Variants in KIAA1217 observed in about 807,000 individuals in gnomAD.
The protein encoded by KIAA1217 is sickle tail protein homolog.
In KIAA1217, 88 loss-of-function variants were observed where a neutral mutation model predicts 163.9. That is an observed-to-expected ratio of 0.54 (90% CI 0.45 to 0.64). KIAA1217 has a LOEUF of 0.64. KIAA1217 is among the 30% of genes least tolerant of loss of function. KIAA1217 has a pLI of 0.00. For missense variants in KIAA1217, 2,372 were observed against 2,475.0 expected, an observed-to-expected ratio of 0.96 and a Z score of 0.88; for synonymous variants, 903 against 923.1, an observed-to-expected ratio of 0.98 and a Z score of 0.39.
intron 2 of KIAA1217, among the ~76,000 whole-genome samples, chr10:24,229,821 T>A (rs1243922663): frequency 6.6e-6 from 1 of 152,068 alleles, no homozygotes; most frequent in Non-Finnish European, 1.5e-5. Flanking sequence ...TCAGAGCAGT[T>A]TTTTACCTAA....
intron 2 of KIAA1217, among the ~76,000 whole-genome samples, chr10:24,246,379 G>A (rs2073810776): frequency 6.6e-6 from 1 of 152,170 alleles, no homozygotes; most frequent in Non-Finnish European, 1.5e-5. Context: ...CTGTGCATGT[G>A]GGAACGAATC....
chr10:24,511,808 C>T (rs1592545318), intron 9 of KIAA1217, among the ~76,000 whole-genome samples: 2 of 152,172 alleles, frequency 1.3e-5, no homozygotes, highest in East Asian at 3.9e-4. Flanking sequence ...ATGTGGTTCC[C>T]TCCCAGACAA....
At chr10:24,195,086 G>T (rs537566429) in intron 2 of KIAA1217, among the ~76,000 whole-genome samples, 5 of 152,190 alleles carry the variant, frequency 3.3e-5, no homozygotes, top group Admixed American at 6.5e-5. Flanking sequence ...TTCTTCCAGG[G>T]AAGGCAGATT....
intron 2 of KIAA1217, chr10:24,042,469 C>G (rs558975792): frequency 6.6e-6 from 1 of 152,160 alleles, no homozygotes; most frequent in Non-Finnish European, 1.5e-5. Flanking sequence ...GCAACTCCTG[C>G]ACAGCGGAAA....
chr10:23,794,264 T>C, intron 1 of KIAA1217, among the ~76,000 whole-genome samples: 1 of 152,206 alleles, frequency 6.6e-6, no homozygotes, highest in East Asian at 1.9e-4. Flanking sequence ...ATAAAGTCTT[T>C]ACATGTTTTG....
At chr10:24,011,307 G>C (rs764126569) in intron 2 of KIAA1217, among the ~76,000 whole-genome samples, 1 of 151,936 alleles carries the variant, frequency 6.6e-6, no homozygotes, top group African/African-American at 2.4e-5. Context: ...ACAACATAGC[G>C]AGACCCCATC....
intron 5 of KIAA1217, among the ~76,000 whole-genome samples, chr10:24,471,707 AC>A (rs2063534683): frequency 6.6e-6 from 1 of 151,886 alleles, no homozygotes; most frequent in Non-Finnish European, 1.5e-5. Context: ...ACATGGAGAA[AC>A]CCCGTCTCTA....
chr10:24,090,332 C>CTTTTTTTTTTTTTTTTTT (rs35966270), intron 2 of KIAA1217, among the ~76,000 whole-genome samples: 2 of 58,944 alleles, frequency 3.4e-5, no homozygotes, highest in African/African-American at 2.3e-4. Context: ...ACATCCTGCT[C>CTTTTTTTTTTTTTTTTTT]TTTTTTTTTT....
chr10:23,824,399 G>A (rs1254892541), intron 1 of KIAA1217, among the ~76,000 whole-genome samples: 1 of 151,664 alleles, frequency 6.6e-6, no homozygotes, highest in Admixed American at 6.6e-5. Flanking sequence ...GGAGGTCGAG[G>A]TGGGCAGACG....
At chr10:24,406,555 T>C (rs914025808) in intron 3 of KIAA1217, among the ~76,000 whole-genome samples, 1 of 152,178 alleles carries the variant, frequency 6.6e-6, no homozygotes, top group African/African-American at 2.4e-5. Context: ...TTTTTCTCCT[T>C]TTAGCTAAAG....
intron 2 of KIAA1217, among the ~76,000 whole-genome samples, chr10:24,277,635 C>T (rs375366466): frequency 6.6e-6 from 1 of 152,294 alleles, no homozygotes; most frequent in South Asian, 2.1e-4. Context: ...TTATAAGGGG[C>T]TTTCCCTTTC....
chr10:24,294,012 G>C (rs543875543), intron 2 of KIAA1217, among the ~76,000 whole-genome samples: 48 of 151,886 alleles, frequency 3.2e-4, no homozygotes, highest in Middle Eastern at 3.4e-3. Flanking sequence ...GCTAAGACGG[G>C]GAAACACCGT....
At chr10:23,756,624 T>C (rs1489143140) in intron 1 of KIAA1217, among the ~76,000 whole-genome samples, 3 of 152,234 alleles carry the variant, frequency 2.0e-5, no homozygotes, top group Non-Finnish European at 2.9e-5. Flanking sequence ...GATAGTTTTA[T>C]TAAATCTTAG....
chr10:23,813,048 G>GT (rs143503649), intron 1 of KIAA1217, among the ~76,000 whole-genome samples: 1,525 of 152,232 alleles, frequency 0.01, 19 homozygotes, highest in African/African-American at 0.035. Context: ...CATGTTACAT[G>GT]TTCACCAGCA....
At chr10:24,433,677 T>C (rs1032630273) in intron 4 of KIAA1217, among the ~76,000 whole-genome samples, 4 of 152,166 alleles carry the variant, frequency 2.6e-5, no homozygotes, top group Non-Finnish European at 5.9e-5. Flanking sequence ...TTCATTCATA[T>C]TGGAACTTTC....
chr10:23,962,109 G>T lies in KIAA1217; in HGVS notation c.-320-45116G>T, dbSNP rs916528668. Among the ~76,000 whole-genome samples, 4 of 152,298 alleles carry T rather than the reference G, an allele frequency of 2.6e-5. No individual in the cohort carries two copies. In the South Asian group the frequency reaches 8.3e-4, roughly 32 times the overall value. On this transcript the variant is annotated intron_variant, in intron 1 of 18. Coordinates refer to the KIAA1217 transcript ENST00000376462. ...CAATTTAACCCATTACAAATGTGTT[G>T]CCCTGGCCGTCTGGCCGTGCAGGCT... is the stretch of plus-strand genomic sequence containing the variant.
intron 2 of KIAA1217, among the ~76,000 whole-genome samples, chr10:24,334,694 A>C (rs747290586): frequency 6.6e-6 from 1 of 152,146 alleles, no homozygotes; most frequent in Non-Finnish European, 1.5e-5. Context: ...TACCCTGCTC[A>C]CTCACCATTG....
chr10:24,405,875 T>A (rs1022341813), intron 3 of KIAA1217, among the ~76,000 whole-genome samples: 1 of 152,208 alleles, frequency 6.6e-6, no homozygotes, highest in Non-Finnish European at 1.5e-5. Context: ...TTGAGCATAA[T>A]GAATATGGAA....
intron 2 of KIAA1217, among the ~76,000 whole-genome samples, chr10:24,234,024 ATC>A (rs1481990592): frequency 6.6e-6 from 1 of 152,068 alleles, no homozygotes; most frequent in African/African-American, 2.4e-5. Flanking sequence ...TAAAAATATT[ATC>A]TCTCTTGATT....
Sources: gnomAD v4.1 joint callset for allele counts (sites outside exome capture counted in the v4.1 genomes callset) on GRCh38, gnomAD v4.1.1 for gene constraint, MANE v1.5 for transcripts, NCBI Gene and HGNC (gene_info 2026-07-23, HGNC 2026-07-21) for gene names.